UBE3A: variants seen among roughly 807,000 people sequenced by gnomAD.
UBE3A encodes ubiquitin protein ligase E3A, also known as ubiquitin-protein ligase E3A.
In UBE3A, 6 loss-of-function variants were observed where a neutral mutation model predicts 83.4. That is an observed-to-expected ratio of 0.07 (90% confidence interval 0.04 to 0.14). UBE3A has a LOEUF of 0.14. Ranked by LOEUF, UBE3A falls within the 10% of genes least tolerant of loss-of-function variation. The pLI, the probability that UBE3A is intolerant of heterozygous loss-of-function variation, is 1.00. For synonymous variants in UBE3A, 337 were observed against 355.4 expected, an observed-to-expected ratio of 0.95 and a Z score of 0.58; for missense variants, 456 against 1,036.1, an observed-to-expected ratio of 0.44 and a Z score of 7.69.
intron 4 of UBE3A, among the ~76,000 whole-genome samples, chr15:25,397,133 T>G (rs1952783801): frequency 1.3e-5 from 2 of 152,204 alleles, no homozygotes; most frequent in Non-Finnish European, 2.9e-5. Context: ...CTACAGTTTC[T>G]AGATATAGGA....
Position 25,335,693 on chromosome 15 carries a change from G to T in UBE3A, c.*3444C>A, listed in dbSNP as rs2073929990. ...GCAAGATGAAGAATTTTGTTTTTAG[G>T]ACTACTGACTATGAGGTAACAAAGA... On this transcript the variant is annotated 3_prime_UTR_variant, in exon 13 of 13. Coordinates refer to ENST00000648336, the MANE Select transcript of UBE3A (RefSeq NM_130839.5). 6.6e-6 allele frequency: 1 copy of T among 152,176 alleles called. No individual in the cohort carries two copies. Among genetic ancestry groups the T allele is most frequent in the African/African-American group, 2.4e-5 (1 of 41,442 alleles). The allele number at this position is 152,176 out of a possible 1,614,324, so 9.4% of individuals were successfully genotyped here.
At chr15:25,418,789 T>G (rs766106560) in intron 1 of UBE3A, 1 of 152,110 alleles carries the variant, frequency 6.6e-6, no homozygotes, top group Admixed American at 6.5e-5. Flanking sequence ...TTTCATCAGG[T>G]GGTGGAGTCT....
chr15:25,335,802 G>A lies in UBE3A; in HGVS notation c.*3335C>T, dbSNP rs1313951402. On this transcript the variant is annotated 3_prime_UTR_variant, in exon 13 of 13. Transcript: ENST00000648336. ...TGACTGAGGTTGACTAGAGGGAACT[G>A]GGCAAGAACAGGTAAGGACTTTAAG... 2.0e-5 allele frequency: 3 copies of A among 152,166 alleles called. No homozygotes were observed. Among genetic ancestry groups the A allele is most frequent in the Admixed American group, 2.0e-4 (3 of 15,270 alleles). 9.4% of individuals were successfully genotyped at this position (152,166 alleles called of 1,614,324 possible).
intron 3 of UBE3A, among the ~76,000 whole-genome samples, chr15:25,406,602 T>A (rs2088609068): frequency 6.6e-6 from 1 of 151,938 alleles, no homozygotes; most frequent in South Asian, 2.1e-4. Flanking sequence ...ATTTTCAAAT[T>A]GGCATTACAA....
chr15:25,375,665 C>T lies in UBE3A; in HGVS notation c.161G>A (p.Cys54Tyr), dbSNP rs1301123423. 1 of 1,614,120 alleles carries T rather than the reference C, an allele frequency of 6.2e-7. No homozygotes were observed. The highest frequency in any genetic ancestry group is 1.7e-5 in the Admixed American group (1 of 60,008). Residue 54 changes from cysteine to tyrosine, a missense_variant, in exon 5 of 13, where the codon TGT becomes TAT. Cys to Tyr is a radical substitution (Grantham distance 194). Around this residue, in one of 13 missense-constraint regions of UBE3A, gnomAD observed 20 missense variants for 50.4 expected, o/e 0.40. Transcript: ENST00000648336. The part of the protein sequence containing the change: ...EACTNEFCAS[C>Y]PTFLRMDNNA... ...ATTATCCATACGAAGAAAAGTTGGA[C>T]AGGAAGCACAAAACTCATTCGTGCA...
At chr15:25,404,859 G>A (rs1596241705) in intron 4 of UBE3A, among the ~76,000 whole-genome samples, 1 of 152,208 alleles carries the variant, frequency 6.6e-6, no homozygotes, top group East Asian at 1.9e-4. Flanking sequence ...CCTGGAATAA[G>A]CCGCTCATGC....
At chr15:25,389,716 C>A (rs931046153) in intron 4 of UBE3A, among the ~76,000 whole-genome samples, 1 of 152,022 alleles carries the variant, frequency 6.6e-6, no homozygotes, top group African/African-American at 2.4e-5. Context: ...AGTGAAACCC[C>A]GTGTCTACTA....
intron 4 of UBE3A, among the ~76,000 whole-genome samples, chr15:25,404,873 T>TA (rs1321509738): frequency 2.0e-4 from 30 of 152,326 alleles, no homozygotes; most frequent in African/African-American, 7.0e-4. Context: ...CTCATGCTTC[T>TA]AGCTGCCTGA....
At chr15:25,368,823 G>GA (rs1048445076) in intron 6 of UBE3A, among the ~76,000 whole-genome samples, 2 of 151,952 alleles carry the variant, frequency 1.3e-5, no homozygotes, top group African/African-American at 4.8e-5. Flanking sequence ...CTTTACTAGA[G>GA]AAAAAAATGG....
chr15:25,420,325 C>CT (rs1365305171), intron 1 of UBE3A, among the ~76,000 whole-genome samples: 1 of 152,008 alleles, frequency 6.6e-6, no homozygotes, highest in Non-Finnish European at 1.5e-5. Context: ...GTGAACACAC[C>CT]TAAGGACACA....
At chr15:25,364,641 GTTTGT>G (rs1303457541) in intron 6 of UBE3A, among the ~76,000 whole-genome samples, 22 of 132,496 alleles carry the variant, frequency 1.7e-4, no homozygotes, top group East Asian at 1.1e-3. Context: ...GGTTTTTTTT[GTTTGT>G]TTTTTTTTTT....
chr15:25,364,788 C>A (rs981711810), intron 6 of UBE3A, among the ~76,000 whole-genome samples: 4 of 151,864 alleles, frequency 2.6e-5, no homozygotes, highest in African/African-American at 9.7e-5. Flanking sequence ...GGACTACAGG[C>A]GCCTGCCACC....
intron 11 of UBE3A, among the ~76,000 whole-genome samples, chr15:25,348,056 T>C (rs1485664962): frequency 6.6e-6 from 1 of 151,482 alleles, no homozygotes; most frequent in East Asian, 1.9e-4. Flanking sequence ...AAAAAACAAA[T>C]GGTTACACTC....
intron 11 of UBE3A, among the ~76,000 whole-genome samples, chr15:25,341,494 T>C (rs1460196257): frequency 6.6e-6 from 1 of 151,834 alleles, no homozygotes; most frequent in Non-Finnish European, 1.5e-5. Context: ...CCAGGTGTGG[T>C]GGCTCATGCC....
At chr15:25,345,243 T>G (rs1302462799) in intron 11 of UBE3A, among the ~76,000 whole-genome samples, 2 of 152,072 alleles carry the variant, frequency 1.3e-5, no homozygotes, top group Non-Finnish European at 2.9e-5. Context: ...AGGATCTAAT[T>G]TGCAGATGAT....
chr15:25,414,581 C>T (rs189778283), intron 1 of UBE3A, among the ~76,000 whole-genome samples: 75 of 152,282 alleles, frequency 4.9e-4, no homozygotes, highest in African/African-American at 1.7e-3. Flanking sequence ...GCAAGATTTA[C>T]AAGACACACT....
chr15:25,418,962 ATAACCT>A (rs1224379551), intron 1 of UBE3A: 1 of 152,186 alleles, frequency 6.6e-6, no homozygotes, highest in Non-Finnish European at 1.5e-5. Context: ...GTATTTGCAT[ATAACCT>A]ACATGCATCT....
chr15:25,398,678 C>G (rs1182072462), intron 4 of UBE3A, among the ~76,000 whole-genome samples: 1 of 149,944 alleles, frequency 6.7e-6, no homozygotes, highest in African/African-American at 2.5e-5. Flanking sequence ...TCCATGAACA[C>G]TTAGGCTGAT....
rs565511208 is a variant in UBE3A, at chr15:25,421,438, A to G, written c.-164-9467T>C. On this transcript the variant is annotated intron_variant, in intron 1 of 12. Transcript: ENST00000648336. ...AATGGCCTAACGCAAGGACATTATT[A>G]TTATTAAATGAAATGTGCCAGACAC... 4.6e-5 allele frequency among the ~76,000 whole-genome samples: 7 copies of G among 152,338 alleles called. No homozygotes were observed. In the South Asian group the frequency reaches 1.4e-3, roughly 32 times the overall value.
Sources: allele counts gnomAD v4.1 joint callset (sites outside exome capture counted in the v4.1 genomes callset), GRCh38; gene constraint gnomAD v4.1.1; regional missense constraint gnomAD v4.1.1; transcripts MANE v1.5; gene names NCBI Gene and HGNC (gene_info 2026-07-23, HGNC 2026-07-21).